ADARB1: variants seen among roughly 807,000 people sequenced by gnomAD.
ADARB1 encodes double-stranded RNA-specific editase 1.
ADARB1 carries 10 observed loss-of-function variants against 52.4 expected under a neutral mutation model. The observed-to-expected ratio is 0.19, with a 90% CI of 0.12 to 0.32. The LOEUF is 0.32. ADARB1 is among the 10% of genes least tolerant of loss of function. The probability of loss-of-function intolerance (pLI) is 1.00; values close to 1 mark genes in which losing one functional copy is unlikely to be tolerated. For synonymous variants in ADARB1, 349 were observed against 371.1 expected (o/e 0.94, Z 0.68); for missense variants, 643 against 922.3 (o/e 0.70, Z 3.92).
At chr21:45,161,505 G>A (rs146561713) in intron 2 of ADARB1, among the ~76,000 whole-genome samples, 79 of 152,304 alleles carry the variant, frequency 5.2e-4, no homozygotes, top group African/African-American at 1.8e-3. Context: ...CTGCTGCCTC[G>A]GCACCCCCAG....
chr21:45,137,183 TC>T (rs957602703), intron 2 of ADARB1: 2 of 152,166 alleles, frequency 1.3e-5, no homozygotes, highest in African/African-American at 4.8e-5. Context: ...CACGTGTAGA[TC>T]CAGGACAATC....
At chr21:45,086,323 T>C (rs1053650281) in intron 1 of ADARB1, among the ~76,000 whole-genome samples, 22 of 152,196 alleles carry the variant, frequency 1.4e-4, no homozygotes, top group African/African-American at 5.3e-4. Context: ...AGGAAAGGCA[T>C]TTTGAGGCGG....
rs2092629343 is a variant in ADARB1 at position 45,204,533 on chromosome 21, CTG to C, written c.1566-19_1566-18del. ...ACACTGAGTCCGAGCTCCCTGAAGA[CTG>C]TGCTTTCTTCTCCCTCCAGCTGGAA... On this transcript the variant is annotated intron_variant, in intron 8 of 10. Transcript: ENST00000348831. The surrounding 1 kb of genome is among the most constrained non-coding windows in gnomAD (Gnocchi z 4.4). 2 of 1,612,856 alleles carry C rather than the reference CTG, an allele frequency of 1.2e-6. No homozygotes were observed. Among genetic ancestry groups the C allele is most frequent in the African/African-American group, 1.3e-5 (1 of 75,026 alleles).
rs185639264 is a variant in ADARB1, at chr21:45,116,314, C to T, written c.-219-12088C>T. ...GCTGCGCAGCAGCACCCCTGCGTGC[C>T]TTCCCTTGCCTCGGCTGCTAAGTCT... is the stretch of plus-strand genomic sequence containing the variant. On this transcript the variant is annotated intron_variant, in intron 1 of 10. Transcript: ENST00000348831. 3.1e-3 allele frequency among the ~76,000 whole-genome samples: 476 copies of T among 152,390 alleles called. 3 individuals are homozygous for T. The highest frequency in any genetic ancestry group is 0.014 in the Middle Eastern group (4 of 294).
intron 8 of ADARB1, among the ~76,000 whole-genome samples, chr21:45,193,887 A>G (rs527314705): frequency 7.5e-4 from 115 of 152,332 alleles, no homozygotes; most frequent in African/African-American, 2.7e-3. Context: ...CATTATTGTC[A>G]AGATACCAGT....
intron 8 of ADARB1, among the ~76,000 whole-genome samples, chr21:45,195,126 C>T (rs1407925775): frequency 6.6e-6 from 1 of 152,140 alleles, no homozygotes; most frequent in Non-Finnish European, 1.5e-5. Flanking sequence ...AGTAGTATCT[C>T]GTTTTAATTT....
rs769768898 is a variant in ADARB1 at position 45,142,266 on chromosome 21, C to T, written c.-48+13693C>T. ...TTTTTCAAATCGAACACCCGCTATA[C>T]TCATTTGAGAAGTGTAGACTTTGAT... On this transcript the variant is annotated intron_variant, in intron 2 of 10. Transcript: ENST00000348831. The surrounding 1 kb of genome is among the most constrained non-coding windows in gnomAD (Gnocchi z 4.0). Among the ~76,000 whole-genome samples the T allele has an allele frequency of 6.6e-6, 1 of 152,248 alleles. No homozygotes were observed. The highest frequency in any genetic ancestry group is 1.5e-5 in the Non-Finnish European group (1 of 68,052).
chr21:45,134,477 C>T (rs936060452), intron 2 of ADARB1, among the ~76,000 whole-genome samples: 4 of 151,084 alleles, frequency 2.6e-5, no homozygotes, highest in African/African-American at 4.9e-5. Context: ...TGTGAGCGCC[C>T]GGCAGGGGTA....
At chr21:45,177,502 C>G (rs1272328104) in intron 4 of ADARB1, 2 of 152,222 alleles carry the variant, frequency 1.3e-5, no homozygotes, top group African/African-American at 2.4e-5. Flanking sequence ...ACCTTTAGTT[C>G]TCATCTCTAA....
intron 1 of ADARB1, among the ~76,000 whole-genome samples, chr21:45,101,962 T>C (rs2087038806): frequency 6.6e-6 from 1 of 152,236 alleles, no homozygotes; most frequent in African/African-American, 2.4e-5. Flanking sequence ...CATGGTTCAC[T>C]GCAGCCTCAA....
At chr21:45,155,223 G>A (rs559591009) in intron 2 of ADARB1, among the ~76,000 whole-genome samples, 118 of 152,268 alleles carry the variant, frequency 7.7e-4, no homozygotes, top group Non-Finnish European at 1.4e-3. Flanking sequence ...CAGGGTGTGG[G>A]GACCTCTGTG....
chr21:45,099,405 C>T (rs1340059724), intron 1 of ADARB1, among the ~76,000 whole-genome samples: 1 of 152,170 alleles, frequency 6.6e-6, no homozygotes, highest in Non-Finnish European at 1.5e-5. Context: ...TGGCTCACGC[C>T]TGTAATCCCA....
chr21:45,169,955 C>T (rs796846907), intron 2 of ADARB1, among the ~76,000 whole-genome samples: 10 of 152,388 alleles, frequency 6.6e-5, no homozygotes, highest in African/African-American at 2.4e-4. Context: ...CTACTGAGGG[C>T]ATCTGCCCTG....
At position 45,221,868 on chromosome 21, in the gene ADARB1, C is replaced by T. The variant is rs897463915; in HGVS notation, c.1927-150C>T. The T allele has an allele frequency of 1.3e-5, 10 of 769,648 alleles. No individual in the cohort carries two copies. The highest frequency in any genetic ancestry group is 1.1e-4 in the Admixed American group (4 of 37,514). 47.7% of individuals were successfully genotyped at this position (769,648 alleles called of 1,614,324 possible). On this transcript the variant is annotated intron_variant, in intron 10 of 10. Coordinates refer to ENST00000348831, the MANE Select transcript of ADARB1 (RefSeq NM_001112.4). The surrounding 1 kb of genome is among the most constrained non-coding windows in gnomAD (Gnocchi z 4.9). ...ACGCCGCACCTTGTTCTGTGTGAAG[C>T]CGTTCCCTTGGCAGAAGGCGCCTTC...
intron 8 of ADARB1, among the ~76,000 whole-genome samples, chr21:45,194,896 T>C (rs1476183304): frequency 1.3e-5 from 2 of 152,208 alleles, no homozygotes; most frequent in Admixed American, 6.5e-5. Context: ...GCAGGTTTTT[T>C]TGTGGACATG....
intron 1 of ADARB1, among the ~76,000 whole-genome samples, chr21:45,103,956 A>G (rs1230108719): frequency 6.6e-6 from 1 of 152,190 alleles, no homozygotes; most frequent in Non-Finnish European, 1.5e-5. Context: ...TTACCCTTAC[A>G]CAGTATATCC....
At chr21:45,165,641 T>G (rs1326428809) in intron 2 of ADARB1, among the ~76,000 whole-genome samples, 1 of 152,226 alleles carries the variant, frequency 6.6e-6, no homozygotes, top group African/African-American at 2.4e-5. Context: ...TAAACATGCA[T>G]GATTCGCTTG....
chr21:45,181,910 C>G (rs2091945156), intron 5 of ADARB1, among the ~76,000 whole-genome samples: 1 of 152,366 alleles, frequency 6.6e-6, no homozygotes, highest in East Asian at 1.9e-4. Flanking sequence ...AGACCTGGTG[C>G]TTACCTGCCA....
rs1352027108 is a variant in ADARB1 at position 45,134,279 on chromosome 21, A to G, written c.-48+5706A>G. On this transcript the variant is annotated intron_variant, in intron 2 of 10. Coordinates refer to ENST00000348831, the MANE Select transcript of ADARB1 (RefSeq NM_001112.4). Reference sequence around the variant, plus strand: ...GTGTGTGCCCGACAGTGGTGTGTGCACCCGACGGGGGTGTGTGCCCGACAG... The same window carrying G: ...GTGTGTGCCCGACAGTGGTGTGTGCGCCCGACGGGGGTGTGTGCCCGACAG... 2.8e-3 allele frequency among the ~76,000 whole-genome samples: 24 copies of G among 8,552 alleles called. 1 individual carries two copies. Among genetic ancestry groups the G allele is most frequent in the African/African-American group, 5.6e-3 (13 of 2,314 alleles). The allele number at this position is 8,552 out of a possible 152,430, so 5.6% of individuals were successfully genotyped here.
Sources: allele counts gnomAD v4.1 joint callset (sites outside exome capture counted in the v4.1 genomes callset), GRCh38; gene constraint gnomAD v4.1.1; non-coding constraint Gnocchi (gnomAD v3.1); transcripts MANE v1.5; gene names NCBI Gene and HGNC (gene_info 2026-07-23, HGNC 2026-07-21).